Variants in NUP155 observed in about 807,000 individuals in gnomAD.
NUP155 encodes nucleoporin 155, also known as nuclear pore complex protein Nup155.
NUP155 carries 71 observed loss-of-function variants against 180.4 expected under a neutral mutation model. That is an observed-to-expected ratio of 0.39 (90% CI 0.33 to 0.48). NUP155 has a LOEUF of 0.48. Ranked by LOEUF, NUP155 falls within the 20% of genes least tolerant of loss-of-function variation. NUP155 has a pLI of 0.91. For synonymous variants in NUP155, 582 were observed against 559.5 expected, an observed-to-expected ratio of 1.04 and a Z score of -0.57; for missense variants, 1,553 against 1,648.9, an observed-to-expected ratio of 0.94 and a Z score of 1.01.
intron 34 of NUP155, among the ~76,000 whole-genome samples, 179 bp from the exon 35 acceptor site, chr5:37,292,217 A>ATT (rs879236027): frequency 4.9e-5 from 7 of 143,844 alleles, no homozygotes; most frequent in South Asian, 2.2e-4. Flanking sequence ...CCATTTGAAG[A>ATT]TTTTTTTTTT....
At chr5:37,341,034 T>A (rs1581184592) in intron 11 of NUP155, 56 bp downstream of exon 11, 2 of 1,400,416 alleles carry the variant, frequency 1.4e-6, no homozygotes, top group Admixed American at 1.8e-5. Context: ...CAACACCATA[T>A]AATTTTAACA....
rs1482222788 is a variant in NUP155 at position 37,358,088 on chromosome 5, T to A, written c.456A>T (p.Pro152=). 6.2e-7 allele frequency: 1 copy of A among 1,609,320 alleles called. No homozygotes were observed. Among genetic ancestry groups the A allele is most frequent in the South Asian group, 1.1e-5 (1 of 91,008 alleles). Residue 152 remains proline (P), a synonymous_variant, in exon 4 of 35, where the codon CCA becomes CCT. Transcript: ENST00000231498. ...TATAGTTTTATTTCTTACCTGCTTT[T>A]GGCTTCACAAGCCCCACAGCAAGAA... The part of the protein sequence containing the change: ...ETILAVGLVK[P]KAGIFQPHVR...
chr5:37,299,544 A>G lies in NUP155; in HGVS notation c.3586T>C (p.Phe1196Leu), dbSNP rs1377325107. 3.1e-6 allele frequency: 5 copies of G among 1,614,134 alleles called. No homozygotes were observed. Among genetic ancestry groups the G allele is most frequent in the Non-Finnish European group, 4.2e-6 (5 of 1,179,976 alleles). The change falls in exon 31 of 35, where the codon TTT becomes CTT. Residue 1196 changes from phenylalanine (F) to leucine (L), a missense_variant. Transcript: ENST00000231498. ...GCAAGTTTGCACTCTGCAAGTTTAAATGGGTCAGCAAATTCCCCATAAAGC... is the reference window on the plus strand; with the variant it reads ...GCAAGTTTGCACTCTGCAAGTTTAAGTGGGTCAGCAAATTCCCCATAAAGC... ...TKLYGEFADP[F>L]KLAECKLAII...
At chr5:37,343,076 T>C (rs1745843262) in intron 9 of NUP155, among the ~76,000 whole-genome samples, 1 of 151,736 alleles carries the variant, frequency 6.6e-6, no homozygotes, top group Non-Finnish European at 1.5e-5. Flanking sequence ...CTTTTTTTTT[T>C]CTTTTTTCTT....
At chr5:37,300,223 T>C (rs1742792888) in intron 30 of NUP155, among the ~76,000 whole-genome samples, 1 of 152,224 alleles carries the variant, frequency 6.6e-6, no homozygotes, top group African/African-American at 2.4e-5. Context: ...GATACAGTCA[T>C]GCAATGAGAA....
intron 1 of NUP155, among the ~76,000 whole-genome samples, chr5:37,368,661 A>C (rs1281360233): frequency 6.6e-6 from 1 of 152,066 alleles, no homozygotes; most frequent in East Asian, 1.9e-4. Context: ...CTCTACTAAA[A>C]ATAGAAAAAT....
At chr5:37,334,346 G>C (rs1163850840) in intron 12 of NUP155, among the ~76,000 whole-genome samples, 5 of 151,500 alleles carry the variant, frequency 3.3e-5, no homozygotes, top group African/African-American at 1.2e-4. Flanking sequence ...CATGCAGTCT[G>C]CCCATCTTGG....
In NUP155 at chr5:37,314,199, T is replaced by C. The variant is rs1281322608; in HGVS notation, c.2435A>G (p.Lys812Arg). 6.9e-6 allele frequency: 11 copies of C among 1,602,530 alleles called. No homozygotes were observed. Among genetic ancestry groups the C allele is most frequent in the Non-Finnish European group, 6.0e-6 (7 of 1,170,762 alleles). ...TCATAAAAAAATAAAAAAAATTACC[T>C]TCTGAAGTTCTGCCACAATGATAGT... ...QFTIIVAELQ[K>R]ELQEQLKITT... is the part of the protein sequence containing the mutation. The change falls in exon 22 of 35, where the codon AAG becomes AGG. Residue 812 changes from lysine to arginine, a missense_variant and splice_region_variant. Transcript: ENST00000231498.
intron 1 of NUP155, among the ~76,000 whole-genome samples, chr5:37,367,514 C>G (rs977456918): frequency 6.6e-6 from 1 of 151,246 alleles, no homozygotes; most frequent in East Asian, 1.9e-4. Context: ...CGAGCCCAGC[C>G]AAACAGCATT....
At chr5:37,321,641 C>A (rs897910099) in intron 20 of NUP155, among the ~76,000 whole-genome samples, 1 of 146,656 alleles carries the variant, frequency 6.8e-6, no homozygotes, top group Non-Finnish European at 1.5e-5. Flanking sequence ...TGCTTGAGCC[C>A]AGGAGGCAGA....
In NUP155 at chr5:37,330,153, T is replaced by C. The variant is rs1194920228; in HGVS notation, c.1630-21A>G. 3.2e-6 allele frequency: 5 copies of C among 1,539,024 alleles called. No homozygotes were observed. In the African/African-American group the frequency reaches 5.4e-5, roughly 17 times the overall value. ...TCTTCCTGTGTAAAAAGAGGAATAT[T>C]GGCCTTATATTAAATACAAATTTTA... is the stretch of plus-strand genomic sequence containing the variant. On this transcript the variant is annotated intron_variant, in intron 14 of 34. Transcript: ENST00000231498.
Position 37,318,011 on chromosome 5 carries a change from T to A in NUP155, c.2282A>T (p.Gln761Leu). ...PENGNPQQMQ[Q>L]ELQRKFHEAQ... ...ACCATGAAACTTCCTCTGCAGTTCC[T>A]GTTGCATTTGCTGGGGATTTCCGTT... The change falls in exon 21 of 35, where the codon CAG becomes CTG. Residue 761 changes from glutamine (Q) to leucine (L), a missense_variant. Transcript: ENST00000231498. 1 of 1,608,516 alleles carries A rather than the reference T, an allele frequency of 6.2e-7. No individual in the cohort carries two copies. Among genetic ancestry groups the A allele is most frequent in the Non-Finnish European group, 8.5e-7 (1 of 1,174,834 alleles).
At chr5:37,370,753 A>G (rs1212089473) in intron 1 of NUP155, 68 bp downstream of exon 1, 1 of 1,613,146 alleles carries the variant, frequency 6.2e-7, no homozygotes, top group Non-Finnish European at 8.5e-7. Context: ...AACGCTGGGG[A>G]TAAGTAGCAA....
chr5:37,353,998 AT>A (rs1335689967), intron 4 of NUP155, among the ~76,000 whole-genome samples: 1 of 152,240 alleles, frequency 6.6e-6, no homozygotes, highest in Non-Finnish European at 1.5e-5. Flanking sequence ...TCATTTTGAA[AT>A]GCAAATAAAA....
intron 4 of NUP155, among the ~76,000 whole-genome samples, chr5:37,354,451 TTTC>T (rs1376095123): frequency 2.0e-4 from 27 of 133,408 alleles, no homozygotes; most frequent in Non-Finnish European, 4.6e-5. Flanking sequence ...AGTGTCTTTA[TTTC>T]TTCTTTTTTT....
Position 37,304,772 on chromosome 5 carries a change from T to G in NUP155, c.3129A>C (p.Leu1043=), listed in dbSNP as rs765692997. 6.2e-6 allele frequency: 10 copies of G among 1,613,600 alleles called. No homozygotes were observed. The South Asian group carries it at 1.1e-4, about 18-fold the overall frequency. ...GCTTATCTGCAAGGTCGACTTGTAT[T>G]AGCCAATTATAAAGGGCAATACTAA... ...ELFSIALYNW[L]IQVDLADKLL... The change falls in exon 27 of 35, where the codon CTA becomes CTC. Residue 1043 remains leucine (L), a synonymous_variant. Coordinates refer to ENST00000231498, the MANE Select transcript of NUP155 (RefSeq NM_153485.3).
At position 37,315,162 on chromosome 5, in the gene NUP155, G is replaced by C. The variant is rs186503727; in HGVS notation, c.2306-834C>G. The stretch of plus-strand genomic sequence containing the variant: ...CAGGAGAATCGCTTGGACCTGGGAG[G>C]TAGAGGTTGCAGTAAGCCAAGATTG... On this transcript the variant is annotated intron_variant, in intron 21 of 34. Transcript: ENST00000231498. Among the ~76,000 whole-genome samples the C allele has an allele frequency of 6.9e-3, 1,057 of 152,350 alleles. 10 individuals are homozygous for C. Among genetic ancestry groups the C allele is most frequent in the African/African-American group, 0.024 (993 of 41,584 alleles).
At chr5:37,316,527 C>A (rs992685425) in intron 21 of NUP155, among the ~76,000 whole-genome samples, 2 of 152,110 alleles carry the variant, frequency 1.3e-5, no homozygotes, top group African/African-American at 4.8e-5. Context: ...TGCAATGGCA[C>A]AAATTCGGCT....
intron 1 of NUP155, among the ~76,000 whole-genome samples, chr5:37,367,592 G>T (rs1055869769): frequency 1.3e-5 from 2 of 151,360 alleles, no homozygotes; most frequent in African/African-American, 4.9e-5. Context: ...GAATGCAGTG[G>T]CGCGATCTCG....
Sources: allele counts gnomAD v4.1 joint callset (sites outside exome capture counted in the v4.1 genomes callset), GRCh38; gene constraint gnomAD v4.1.1; transcripts MANE v1.5; gene names NCBI Gene and HGNC (gene_info 2026-07-23, HGNC 2026-07-21).